Variants in TNR observed in about 807,000 individuals in gnomAD.
The protein encoded by TNR is tenascin-R.
In TNR, 45 loss-of-function variants were observed where a neutral mutation model predicts 150.4. The ratio of observed to expected loss-of-function variants is 0.30; its 90% confidence interval spans 0.24 to 0.38. The LOEUF is 0.38. Ranked by LOEUF, TNR falls within the 10% of genes least tolerant of loss-of-function variation. The pLI is 1.00. For missense variants in TNR, 1,544 were observed against 1,759.1 expected (o/e 0.88, Z 2.19); for synonymous variants, 687 against 678.4 (o/e 1.01, Z -0.20).
intron 1 of TNR, among the ~76,000 whole-genome samples, chr1:175,616,601 G>C (rs1295753717): frequency 6.6e-6 from 1 of 152,164 alleles, no homozygotes; most frequent in Non-Finnish European, 1.5e-5. Flanking sequence ...AGGGGATCAC[G>C]GGGCTCAGCA....
chr1:175,722,315 G>A (rs764681441), intron 1 of TNR, among the ~76,000 whole-genome samples: 3 of 152,138 alleles, frequency 2.0e-5, no homozygotes, highest in Non-Finnish European at 4.4e-5. Flanking sequence ...CTGAGACACA[G>A]TTTATTTCTT....
chr1:175,437,995 A>G (rs1473754734), intron 2 of TNR, among the ~76,000 whole-genome samples: 1 of 152,230 alleles, frequency 6.6e-6, no homozygotes, highest in Non-Finnish European at 1.5e-5. Context: ...TCCAGTCAAT[A>G]GAAAAAGAGG....
At chr1:175,660,741 T>A (rs1436941310) in intron 1 of TNR, among the ~76,000 whole-genome samples, 2 of 152,070 alleles carry the variant, frequency 1.3e-5, no homozygotes, top group Non-Finnish European at 2.9e-5. Flanking sequence ...ACTGTTGGAT[T>A]ATAGGAGAGA....
At chr1:175,424,177 C>G (rs1174854337) in intron 2 of TNR, among the ~76,000 whole-genome samples, 3 of 152,160 alleles carry the variant, frequency 2.0e-5, no homozygotes, top group Admixed American at 2.0e-4. Flanking sequence ...TTTAAACCAA[C>G]AAGTCCTTGG....
chr1:175,660,175 T>A (rs568113787), intron 1 of TNR, among the ~76,000 whole-genome samples: 30 of 152,222 alleles, frequency 2.0e-4, no homozygotes, highest in Non-Finnish European at 4.1e-4. Flanking sequence ...GAGGCTCTGA[T>A]GAAAGGCTGC....
At chr1:175,349,151 T>A (rs1650938007) in intron 18 of TNR, among the ~76,000 whole-genome samples, 1 of 151,972 alleles carries the variant, frequency 6.6e-6, no homozygotes, top group Non-Finnish European at 1.5e-5. Context: ...TTGGAGGGAG[T>A]GTAGACTAGT....
intron 14 of TNR, among the ~76,000 whole-genome samples, chr1:175,360,617 C>G (rs1357501306): frequency 6.6e-6 from 1 of 152,182 alleles, no homozygotes; most frequent in Non-Finnish European, 1.5e-5. Context: ...TTTTGAGAAC[C>G]AAGATCTGCT....
chr1:175,490,749 G>C (rs1571513799), intron 2 of TNR, among the ~76,000 whole-genome samples: 1 of 152,108 alleles, frequency 6.6e-6, no homozygotes, highest in African/African-American at 2.4e-5. Context: ...GAAGAAAAAG[G>C]AACAATTTTA....
chr1:175,466,980 A>T (rs2102112136), intron 2 of TNR, among the ~76,000 whole-genome samples: 1 of 152,204 alleles, frequency 6.6e-6, no homozygotes, highest in Admixed American at 6.5e-5. Context: ...GAGAAATGGG[A>T]CTTAACCCCT....
chr1:175,559,962 G>C (rs369368374), intron 1 of TNR, among the ~76,000 whole-genome samples: 1 of 152,190 alleles, frequency 6.6e-6, no homozygotes, highest in East Asian at 1.9e-4. Context: ...CTGGTCCAGG[G>C]AAATGAGATG....
At chr1:175,709,154 T>C (rs572457037) in intron 1 of TNR, among the ~76,000 whole-genome samples, 1 of 152,192 alleles carries the variant, frequency 6.6e-6, no homozygotes, top group South Asian at 2.1e-4. Context: ...GAAGGTGATA[T>C]ACAGGGCCTC....
At chr1:175,618,879 C>A (rs1291659758) in intron 1 of TNR, among the ~76,000 whole-genome samples, 1 of 150,580 alleles carries the variant, frequency 6.6e-6, no homozygotes, top group Non-Finnish European at 1.5e-5. Flanking sequence ...GAGCACCTGG[C>A]ACACAGGTTG....
At chr1:175,527,433 C>A (rs1461128280) in intron 2 of TNR, among the ~76,000 whole-genome samples, 3 of 152,160 alleles carry the variant, frequency 2.0e-5, no homozygotes, top group Non-Finnish European at 4.4e-5. Context: ...GATACTGAGA[C>A]TGTAGTGAGT....
At chr1:175,547,606 A>G (rs759315775) in intron 1 of TNR, among the ~76,000 whole-genome samples, 45 of 20,898 alleles carry the variant, frequency 2.2e-3, no homozygotes, top group Middle Eastern at 0.015. Context: ...AGAAAGAAAG[A>G]AAGAAACAAA....
chr1:175,636,580 C>T (rs530721306), intron 1 of TNR, among the ~76,000 whole-genome samples: 1 of 152,316 alleles, frequency 6.6e-6, no homozygotes, highest in African/African-American at 2.4e-5. Flanking sequence ...AATTTAAGGG[C>T]TATGACCAGT....
At chr1:175,557,028 A>G (rs1278511926) in intron 1 of TNR, among the ~76,000 whole-genome samples, 5 of 152,242 alleles carry the variant, frequency 3.3e-5, no homozygotes, top group East Asian at 3.9e-4. Context: ...TGTTTCCAGT[A>G]TAAGACAGGG....
At chr1:175,325,291 AG>A (rs1649306706) in intron 21 of TNR, among the ~76,000 whole-genome samples, 1 of 152,242 alleles carries the variant, frequency 6.6e-6, no homozygotes, top group Non-Finnish European at 1.5e-5. Context: ...TGGCCGTCAG[AG>A]AAATGCAAAT....
intron 18 of TNR, among the ~76,000 whole-genome samples, chr1:175,344,480 C>T: frequency 6.6e-6 from 1 of 152,200 alleles, no homozygotes; most frequent in East Asian, 1.9e-4. Flanking sequence ...ACCCTATTCT[C>T]CTGCCTCAAT....
chr1:175,702,245 C>G (rs41485945), intron 1 of TNR, among the ~76,000 whole-genome samples: 10,324 of 152,220 alleles, frequency 0.068, 443 homozygotes, highest in Non-Finnish European at 0.098. Context: ...GAGCAGCAAG[C>G]AAATGTGAGT....
Sources: gnomAD v4.1 joint callset for allele counts (sites outside exome capture counted in the v4.1 genomes callset) on GRCh38, gnomAD v4.1.1 for gene constraint, MANE v1.5 for transcripts, NCBI Gene and HGNC (gene_info 2026-07-23, HGNC 2026-07-21) for gene names.